The following ZEB2 variants were observed in gnomAD, a reference collection of about 807,000 sequenced individuals.
ZEB2 encodes the protein zinc finger E-box binding homeobox 2, also known as zinc finger E-box-binding homeobox 2.
ZEB2 carries 6 observed loss-of-function variants against 99.9 expected under a neutral mutation model. The ratio of observed to expected loss-of-function variants is 0.06; its 90% CI spans 0.03 to 0.12. The LOEUF (loss-of-function observed/expected upper bound fraction) is 0.12. ZEB2 is among the 10% of genes least tolerant of loss of function. The pLI is 1.00. For synonymous variants in ZEB2, 517 were observed against 542.5 expected, an observed-to-expected ratio of 0.95 and a Z score of 0.65; for missense variants, 969 against 1,502.8, an observed-to-expected ratio of 0.64 and a Z score of 5.87.
intron 2 of ZEB2, among the ~76,000 whole-genome samples, chr2:144,440,570 A>G (rs541692256): frequency 2.7e-4 from 39 of 145,532 alleles, no homozygotes; most frequent in African/African-American, 9.3e-4. Context: ...TGTAAAGTCC[A>G]GTAATCACCA....
chr2:144,485,676 ACGG>A (rs1305851674), intron 2 of ZEB2, among the ~76,000 whole-genome samples: 1 of 151,900 alleles, frequency 6.6e-6, no homozygotes, highest in East Asian at 1.9e-4. Flanking sequence ...CTGGGGTGCA[ACGG>A]CATGATCTCG....
At chr2:144,513,362 G>A (rs371188078) in intron 2 of ZEB2, 4 of 1,322,472 alleles carry the variant, frequency 3.0e-6, no homozygotes, top group East Asian at 4.7e-5. Context: ...GAAGTTCAGA[G>A]ACCAAAGGCA....
At chr2:144,452,237 T>C (rs1243390423) in intron 2 of ZEB2, among the ~76,000 whole-genome samples, 2 of 152,158 alleles carry the variant, frequency 1.3e-5, no homozygotes, top group East Asian at 1.9e-4. Flanking sequence ...GGAAATATGC[T>C]TTTGAATGTG....
chr2:144,486,660 T>C (rs1389021381), intron 2 of ZEB2, among the ~76,000 whole-genome samples: 2 of 152,186 alleles, frequency 1.3e-5, no homozygotes, highest in African/African-American at 4.8e-5. Flanking sequence ...GTAATTATCA[T>C]GTATCCAAAA....
intron 2 of ZEB2, chr2:144,450,194 G>A (rs146574242): frequency 6.6e-6 from 1 of 151,810 alleles, no homozygotes; most frequent in East Asian, 2.0e-4. Context: ...GTGTTTGAGT[G>A]ATGCCCACCT....
At chr2:144,493,041 T>C (rs532086365) in intron 2 of ZEB2, among the ~76,000 whole-genome samples, 2 of 152,318 alleles carry the variant, frequency 1.3e-5, no homozygotes, top group East Asian at 3.9e-4. Flanking sequence ...TTGGAGGAGA[T>C]GCTGTTTCTA....
chr2:144,403,555 T>C (rs1366205845), intron 6 of ZEB2, among the ~76,000 whole-genome samples: 1 of 152,114 alleles, frequency 6.6e-6, no homozygotes, highest in African/African-American at 2.4e-5. Context: ...AGAAAATTTC[T>C]AAGTAAAGCG....
At chr2:144,400,397 C>T in intron 7 of ZEB2, 127 bp from the exon 8 acceptor site, 2 of 1,025,872 alleles carry the variant, frequency 1.9e-6, no homozygotes, top group Non-Finnish European at 2.9e-6. Flanking sequence ...ATTCTAGGTA[C>T]TTAGATTAGA....
At chr2:144,462,814 G>A (rs771633456) in intron 2 of ZEB2, 9 of 152,146 alleles carry the variant, frequency 5.9e-5, no homozygotes, top group Non-Finnish European at 8.8e-5. Flanking sequence ...GCATACAATA[G>A]ATAATTTAAG....
chr2:144,429,894 T>C lies in ZEB2; in HGVS notation c.206A>G (p.Glu69Gly), dbSNP rs755650682. ...AGCTTGGCTCACGTGTGGGGAGGACTCATGGTTGGGCACACTAGCTGGACT... is the reference window on the plus strand; with the variant it reads ...AGCTTGGCTCACGTGTGGGGAGGACCCATGGTTGGGCACACTAGCTGGACT... ...ETSPASVPNH[E>G]SSPHVSQALL... Residue 69 changes from glutamate to glycine, a missense_variant, in exon 3 of 10, where the codon GAG becomes GGG. Glu to Gly is a moderately conservative substitution (Grantham distance 98). Around this residue, in one of 8 missense-constraint regions of ZEB2, gnomAD observed 173 missense variants for 217.7 expected, o/e 0.79. Transcript: ENST00000627532. The C allele has an allele frequency of 6.2e-7, 1 of 1,613,850 alleles. No homozygotes were observed. Among genetic ancestry groups the C allele is most frequent in the Non-Finnish European group, 8.5e-7 (1 of 1,179,858 alleles).
intron 2 of ZEB2, among the ~76,000 whole-genome samples, chr2:144,441,761 G>A (rs1703921631): frequency 6.6e-6 from 1 of 151,986 alleles, no homozygotes; most frequent in Admixed American, 6.6e-5. Flanking sequence ...TTATCTGTTG[G>A]CAGACAGCTG....
At chr2:144,516,916 C>T (rs1457092494) in intron 2 of ZEB2, among the ~76,000 whole-genome samples, 4 of 151,514 alleles carry the variant, frequency 2.6e-5, no homozygotes, top group Non-Finnish European at 5.9e-5. Context: ...GGCGGACGCT[C>T]CCGAAGCCCG....
chr2:144,469,891 C>T (rs1427297), intron 2 of ZEB2, among the ~76,000 whole-genome samples: 79,102 of 152,024 alleles, frequency 0.52, 23,725 homozygotes, highest in Non-Finnish European at 0.68. Flanking sequence ...TCAAGGGTTA[C>T]AGTGTGGAAA....
intron 2 of ZEB2, 113 bp downstream of exon 2, chr2:144,517,165 C>T (rs147462449): frequency 5.0e-6 from 7 of 1,408,800 alleles, no homozygotes; most frequent in Admixed American, 1.8e-5. Flanking sequence ...CGCCCTAGAG[C>T]CCTGGGCGCC....
At chr2:144,395,979 C>T (rs552547840) in intron 9 of ZEB2, among the ~76,000 whole-genome samples, 3 of 151,776 alleles carry the variant, frequency 2.0e-5, no homozygotes, top group African/African-American at 7.2e-5. Context: ...AACAAAATTA[C>T]CCCTAAATTA....
intron 4 of ZEB2, among the ~76,000 whole-genome samples, chr2:144,415,499 C>A (rs1025849752): frequency 6.6e-6 from 1 of 152,122 alleles, no homozygotes. Flanking sequence ...TACATGTGTT[C>A]CACTTCTTCA....
intron 2 of ZEB2, among the ~76,000 whole-genome samples, chr2:144,481,330 A>G (rs1272330325): frequency 6.6e-6 from 1 of 152,206 alleles, no homozygotes; most frequent in Non-Finnish European, 1.5e-5. Flanking sequence ...GCCCGAGCAC[A>G]TGGCCCGGGT....
rs1704738739 is a variant in ZEB2 at position 144,494,925 on chromosome 2, A to T, written c.73+22353T>A. On this transcript the variant is annotated intron_variant, in intron 2 of 9. Transcript: ENST00000627532. ...ATCTCTGGGGTCCTTTACTCAGAAA[A>T]AGAAAAGAAAGAAAAAGCAAAAAGA... The T allele has an allele frequency of 3.3e-5, 5 of 152,234 alleles. No individual in the cohort carries two copies. In the South Asian group the frequency reaches 1.0e-3, roughly 32 times the overall value. 9.4% of individuals were successfully genotyped at this position (152,234 alleles called of 1,614,324 possible).
intron 2 of ZEB2, among the ~76,000 whole-genome samples, chr2:144,469,400 C>G (rs1226917960): frequency 6.6e-6 from 1 of 152,136 alleles, no homozygotes; most frequent in African/African-American, 2.4e-5. Flanking sequence ...TCATTTTTGA[C>G]TGATATAAAT....
Sources: allele counts gnomAD v4.1 joint callset (sites outside exome capture counted in the v4.1 genomes callset), GRCh38; gene constraint gnomAD v4.1.1; regional missense constraint gnomAD v4.1.1; transcripts MANE v1.5; gene names NCBI Gene and HGNC (gene_info 2026-07-23, HGNC 2026-07-21).